The following RGS8 variants were observed in gnomAD, a reference collection of about 807,000 sequenced individuals.
RGS8 encodes regulator of G protein signaling 8, also known as regulator of G-protein signaling 8.
A neutral mutation model predicts 21.7 loss-of-function variants in RGS8; 8 were observed. The ratio of observed to expected loss-of-function variants is 0.37; its 90% CI spans 0.22 to 0.66. The LOEUF (loss-of-function observed/expected upper bound fraction) is 0.66. RGS8 is among the 30% of genes least tolerant of loss of function. The probability of loss-of-function intolerance (pLI) is 0.59; values close to 1 mark genes in which losing one functional copy is unlikely to be tolerated. For missense variants in RGS8, 157 were observed against 217.9 expected (o/e 0.72, Z 1.76); for synonymous variants, 80 against 83.6 (o/e 0.96, Z 0.24).
the RGS8 span, chr1:182,712,766 G>C: frequency 3.3e-5 from 5 of 152,126 alleles, no homozygotes; most frequent in Admixed American, 3.3e-4. Context: ...TATATTTCAA[G>C]AGTATTTTTG....
the RGS8 span, among the ~76,000 whole-genome samples, chr1:182,717,849 T>TTGAA: frequency 6.6e-6 from 1 of 152,184 alleles, no homozygotes; most frequent in African/African-American, 2.4e-5. Flanking sequence ...ATTAAATATG[T>TTGAA]TGAATGAATG....
chr1:182,718,760 T>C, the RGS8 span, among the ~76,000 whole-genome samples: 1 of 152,180 alleles, frequency 6.6e-6, no homozygotes, highest in African/African-American at 2.4e-5. Flanking sequence ...TCTTTATAGT[T>C]TTAATTGCTG....
the RGS8 span, among the ~76,000 whole-genome samples, chr1:182,746,055 G>A: frequency 6.6e-6 from 1 of 152,020 alleles, no homozygotes. Context: ...TTCCTATTTG[G>A]GGCAAGTGAG....
At chr1:182,665,491 C>A (rs16859419) in intron 5 of RGS8, among the ~76,000 whole-genome samples, 1,540 of 152,202 alleles carry the variant, frequency 0.01, 84 homozygotes, top group Admixed American at 0.089. Context: ...GGATAGCAAA[C>A]CCTCAAAACA....
chr1:182,664,284 T>TTA (rs1553220369), intron 5 of RGS8, among the ~76,000 whole-genome samples: 192 of 149,110 alleles, frequency 1.3e-3, no homozygotes, highest in African/African-American at 4.5e-3. Flanking sequence ...AAGTATCATT[T>TTA]AAAAAAAAAA....
At chr1:182,666,876 G>A in exon 4 of RGS8, 2 of 1,613,332 alleles carry the variant, frequency 1.2e-6, no homozygotes, top group Non-Finnish European at 1.7e-6. Flanking sequence ...ACTCACTTGA[G>A]AGCGCGGTTG....
chr1:182,717,600 G>C, the RGS8 span, among the ~76,000 whole-genome samples: 26 of 152,196 alleles, frequency 1.7e-4, no homozygotes, highest in Non-Finnish European at 3.1e-4. Flanking sequence ...GCCTGCCCTA[G>C]TGGGTGTCCC....
Position 182,652,752 on chromosome 1 carries a change from A to C in RGS8, c.194-4449T>G, listed in dbSNP as rs556975082. Among the ~76,000 whole-genome samples, 12 of 152,318 alleles carry C rather than the reference A, an allele frequency of 7.9e-5. No individual in the cohort carries two copies. The South Asian group carries it at 2.5e-3, about 32-fold the overall frequency. ...ATAAGTTACATGATAGAGAAAGCAG[A>C]GGGGTCATGAAGGACCCAGGAGGGG... On this transcript the variant is annotated intron_variant, in intron 5 of 6. Coordinates refer to ENST00000483095, the Ensembl canonical transcript of RGS8.
the RGS8 span, among the ~76,000 whole-genome samples, chr1:182,743,598 T>C: frequency 6.6e-6 from 1 of 152,250 alleles, no homozygotes; most frequent in Non-Finnish European, 1.5e-5. Context: ...CATTTCCCAC[T>C]AGCTCTCTGT....
At chr1:182,724,314 A>G in the RGS8 span, among the ~76,000 whole-genome samples, 1 of 148,492 alleles carries the variant, frequency 6.7e-6, no homozygotes, top group Admixed American at 6.7e-5. Context: ...AGAAAAAGGA[A>G]AAAGGACAGA....
At chr1:182,742,485 T>C in the RGS8 span, among the ~76,000 whole-genome samples, 6 of 152,016 alleles carry the variant, frequency 3.9e-5, no homozygotes, top group South Asian at 2.1e-4. Context: ...GTCTGCAATC[T>C]CGGCACCTCG....
the RGS8 span, among the ~76,000 whole-genome samples, chr1:182,751,641 T>A: frequency 2.6e-5 from 4 of 152,188 alleles, no homozygotes; most frequent in Non-Finnish European, 4.4e-5. Flanking sequence ...TTAAGATCAA[T>A]GATTTTTGCT....
the RGS8 span, among the ~76,000 whole-genome samples, chr1:182,701,762 A>G: frequency 2.6e-5 from 4 of 152,326 alleles, no homozygotes; most frequent in African/African-American, 9.6e-5. Flanking sequence ...TTAAGCTGCC[A>G]TCTACCCTTG....
chr1:182,688,357 G>T (rs533791504), upstream of RGS8, among the ~76,000 whole-genome samples: 1,075 of 147,362 alleles, frequency 7.3e-3, 11 homozygotes, highest in African/African-American at 0.025. Context: ...TCTCTCGCTC[G>T]CTCTCTCTCT....
chr1:182,720,934 TAC>T, the RGS8 span, among the ~76,000 whole-genome samples: 1 of 133,604 alleles, frequency 7.5e-6, no homozygotes, highest in Non-Finnish European at 1.6e-5. Context: ...TATACATATA[TAC>T]ATATATATAC....
chr1:182,731,708 T>C, the RGS8 span, among the ~76,000 whole-genome samples: 2 of 152,244 alleles, frequency 1.3e-5, no homozygotes, highest in Non-Finnish European at 2.9e-5. Context: ...ATTAATGGAC[T>C]ACGATTTAAA....
chr1:182,731,482 T>C, the RGS8 span, among the ~76,000 whole-genome samples: 1 of 152,236 alleles, frequency 6.6e-6, no homozygotes, highest in Admixed American at 6.5e-5. Context: ...AAACATTTCC[T>C]TAGAGCTAGA....
the RGS8 span, among the ~76,000 whole-genome samples, chr1:182,695,482 C>T: frequency 5.9e-5 from 9 of 152,118 alleles, no homozygotes; most frequent in South Asian, 4.1e-4. Flanking sequence ...GTAAAACTAT[C>T]GCAATCACTT....
chr1:182,671,862 A>G, exon 1 of RGS8: 1 of 1,521,450 alleles, frequency 6.6e-7, no homozygotes, highest in Admixed American at 2.1e-5. Flanking sequence ...CCACCACTTG[A>G]GCCAGGCAGC....
Sources: allele counts gnomAD v4.1 joint callset (sites outside exome capture counted in the v4.1 genomes callset), GRCh38; gene constraint gnomAD v4.1.1; transcripts MANE v1.5; gene names NCBI Gene and HGNC (gene_info 2026-07-23, HGNC 2026-07-21).